SLC9B1: variants seen among roughly 807,000 people sequenced by gnomAD.
SLC9B1 encodes the protein sodium/hydrogen exchanger 9B1.
SLC9B1 carries 32 observed loss-of-function variants against 51.7 expected under a neutral mutation model. The observed-to-expected ratio is 0.62, with a 90% CI of 0.47 to 0.83. SLC9B1 has a LOEUF of 0.83. Ranked by LOEUF, SLC9B1 falls within the 40% of genes least tolerant of loss-of-function variation. The pLI is 0.00. For synonymous variants in SLC9B1, 145 were observed against 212.7 expected (o/e 0.68, Z 2.77); for missense variants, 406 against 613.2 (o/e 0.66, Z 3.57).
chr4:102,923,039 T>A (rs1735964090), intron 7 of SLC9B1, among the ~76,000 whole-genome samples: 1 of 152,058 alleles, frequency 6.6e-6, no homozygotes, highest in Non-Finnish European at 1.5e-5. Flanking sequence ...AAAGAGAGAA[T>A]CCTCCCTAAT....
chr4:102,955,192 G>A (rs1175723503), intron 3 of SLC9B1, among the ~76,000 whole-genome samples: 1 of 152,114 alleles, frequency 6.6e-6, no homozygotes, highest in Admixed American at 6.5e-5. Flanking sequence ...TACTGTTCTC[G>A]TGGTAGTGAA....
intron 5 of SLC9B1, among the ~76,000 whole-genome samples, chr4:102,945,525 T>A (rs1737225767): frequency 6.6e-6 from 1 of 152,082 alleles, no homozygotes; most frequent in Admixed American, 6.6e-5. Context: ...TTCATCTTTT[T>A]AAAAATATTA....
chr4:102,913,102 TC>T (rs2110434681), intron 7 of SLC9B1, among the ~76,000 whole-genome samples: 1 of 152,222 alleles, frequency 6.6e-6, no homozygotes, highest in South Asian at 2.1e-4. Context: ...TGATACCCCT[TC>T]CCCAAGCTGG....
At chr4:102,918,919 A>G (rs1348831068) in intron 7 of SLC9B1, among the ~76,000 whole-genome samples, 5 of 152,240 alleles carry the variant, frequency 3.3e-5, no homozygotes, top group Non-Finnish European at 7.3e-5. Context: ...GCCAACTAGC[A>G]TATCAACCCG....
At chr4:102,968,405 G>A (rs1052223416) in intron 3 of SLC9B1, among the ~76,000 whole-genome samples, 1 of 152,152 alleles carries the variant, frequency 6.6e-6, no homozygotes, top group Non-Finnish European at 1.5e-5. Flanking sequence ...AAAAAATATA[G>A]GAGAAAATAT....
At chr4:102,963,145 A>C (rs1479770035) in intron 3 of SLC9B1, 1 of 360,958 alleles carries the variant, frequency 2.8e-6, no homozygotes, top group Non-Finnish European at 5.4e-6. Flanking sequence ...TGGCAGGAGA[A>C]TCAAACCTAA....
chr4:102,963,010 C>T, intron 3 of SLC9B1: 1 of 458,656 alleles, frequency 2.2e-6, no homozygotes, highest in Non-Finnish European at 4.4e-6. Context: ...CATTGATGTG[C>T]ATGGTCCACT....
intron 7 of SLC9B1, among the ~76,000 whole-genome samples, chr4:102,913,234 A>G (rs1735423625): frequency 6.6e-6 from 1 of 152,226 alleles, no homozygotes; most frequent in Middle Eastern, 3.2e-3. Flanking sequence ...CTCTAACTTG[A>G]CACCCAACTG....
chr4:102,943,173 A>T (rs1737091382), intron 6 of SLC9B1, among the ~76,000 whole-genome samples: 2 of 151,788 alleles, frequency 1.3e-5, no homozygotes, highest in Non-Finnish European at 2.9e-5. Context: ...AAATAAAAAA[A>T]AAAAATAGAT....
In SLC9B1 at chr4:102,935,227, A is replaced by G. The variant is rs547244161; in HGVS notation, c.654-2928T>C. Among the ~76,000 whole-genome samples, 4 of 152,334 alleles carry G rather than the reference A, an allele frequency of 2.6e-5. No homozygotes were observed. The East Asian group carries it at 5.8e-4, about 22-fold the overall frequency. ...ATAAGGAAAAGTTGAAGGACAACAC[A>G]TATATAAAAGATATTCAAGTTTGTG... is the stretch of plus-strand genomic sequence containing the variant. On this transcript the variant is annotated intron_variant, in intron 6 of 11. Transcript: ENST00000296422.
Position 102,906,550 on chromosome 4 carries a change from T to A in SLC9B1, c.1181A>T (p.Glu394Val), listed in dbSNP as rs747336260. ...VGAEVSVSSLESNIVGISVAT... is the reference protein window; with the variant it reads ...VGAEVSVSSLVSNIVGISVAT... ...ATTATTCTTACCAACAATATTTGAT[T>A]CAAGCGATGAAACAGATACTTCTGC... The change falls in exon 10 of 12, where the codon GAA becomes GTA. Residue 394 changes from glutamate to valine, a missense_variant. Glu to Val is a moderately radical substitution (Grantham distance 121). Transcript: ENST00000296422. 8.4e-6 allele frequency: 13 copies of A among 1,542,982 alleles called. No homozygotes were observed. Among genetic ancestry groups the A allele is most frequent in the Middle Eastern group, 2.3e-4 (1 of 4,328 alleles).
At chr4:102,963,118 C>A in intron 3 of SLC9B1, 1 of 368,136 alleles carries the variant, frequency 2.7e-6, no homozygotes, top group Non-Finnish European at 5.3e-6. Flanking sequence ...CAGATTAAAA[C>A]TCAGTAAGGA....
intron 3 of SLC9B1, among the ~76,000 whole-genome samples, chr4:102,970,664 A>C (rs1260686786): frequency 2.0e-5 from 3 of 152,212 alleles, no homozygotes; most frequent in Admixed American, 6.5e-5. Flanking sequence ...AAATGGGCTA[A>C]ATGCCCCAAT....
intron 7 of SLC9B1, among the ~76,000 whole-genome samples, chr4:102,915,992 A>C (rs1735559680): frequency 6.6e-6 from 1 of 152,176 alleles, no homozygotes; most frequent in Non-Finnish European, 1.5e-5. Flanking sequence ...AAAAGAAATC[A>C]GTGAAACATA....
chr4:102,926,636 T>C (rs756895927), intron 7 of SLC9B1, among the ~76,000 whole-genome samples: 2 of 152,082 alleles, frequency 1.3e-5, no homozygotes, highest in Non-Finnish European at 2.9e-5. Context: ...TGCTCATGGA[T>C]AGGAAGAATC....
chr4:102,959,677 G>A (rs72937428), intron 3 of SLC9B1, among the ~76,000 whole-genome samples: 2 of 152,166 alleles, frequency 1.3e-5, no homozygotes, highest in African/African-American at 4.8e-5. Context: ...TCGCTGACAG[G>A]AAGCAAGGAG....
chr4:102,902,015 T>A (rs1734813612), intron 11 of SLC9B1, among the ~76,000 whole-genome samples: 2 of 152,164 alleles, frequency 1.3e-5, no homozygotes, highest in Non-Finnish European at 2.9e-5. Context: ...CAGATAGTAG[T>A]AAGTTTCTCT....
chr4:102,901,490 C>G (rs1207746195), intron 11 of SLC9B1, among the ~76,000 whole-genome samples, 158 bp from the exon 12 acceptor site: 1 of 152,228 alleles, frequency 6.6e-6, no homozygotes, highest in African/African-American at 2.4e-5. Context: ...GTTCCATGTT[C>G]TTCCTAGCAA....
chr4:102,898,210 T>G (rs1194002777), downstream of SLC9B1: 8 of 519,158 alleles, frequency 1.5e-5, no homozygotes, highest in African/African-American at 3.9e-5. Flanking sequence ...CAGAAAGCAG[T>G]TAATGGTGCC....
Sources: allele counts gnomAD v4.1 joint callset (sites outside exome capture counted in the v4.1 genomes callset), GRCh38; gene constraint gnomAD v4.1.1; transcripts MANE v1.5; gene names NCBI Gene and HGNC (gene_info 2026-07-23, HGNC 2026-07-21).